PVALEF: variants seen among roughly 807,000 people sequenced by gnomAD.
PVALEF encodes the protein parvalbumin-like EF-hand-containing protein.
PVALEF carries 2 observed loss-of-function variants against 1.2 expected under a neutral mutation model. That is an observed-to-expected ratio of 1.68 (90% CI 0.69 to 5.28). The LOEUF (loss-of-function observed/expected upper bound fraction) is 5.28. Ranked by LOEUF, PVALEF falls within the 30% of genes most tolerant of loss-of-function variation. PVALEF has a pLI of 0.06. For missense variants in PVALEF, 35 were observed against 17.7 expected (o/e 1.97, Z -1.75); for synonymous variants, 16 against 6.5 (o/e 2.47, Z -2.24).
rs1457729398 is a variant in PVALEF at position 81,166,700 on chromosome 17, C to A, written c.-484C>A. 2 of 454,744 alleles carry A rather than the reference C, an allele frequency of 4.4e-6. No homozygotes were observed. Among genetic ancestry groups the A allele is most frequent in the South Asian group, 1.6e-5 (1 of 64,478 alleles). 28.2% of individuals were successfully genotyped at this position (454,744 alleles called of 1,614,324 possible). On this transcript the variant is annotated 5_prime_UTR_variant, in exon 2 of 7. Coordinates refer to ENST00000637878, the MANE Select transcript of PVALEF (RefSeq NM_001354639.2). The stretch of plus-strand genomic sequence containing the variant: ...AGGTTTCGAGGCGGCTGGCAGCCGC[C>A]CCCCCACCCCATGCCCTTTGGGTGG...
At chr17:81,171,890 C>G (rs547120270) in intron 2 of PVALEF, among the ~76,000 whole-genome samples, 42 of 152,306 alleles carry the variant, frequency 2.8e-4, no homozygotes, top group African/African-American at 9.6e-4. Flanking sequence ...ATTGCGCCCC[C>G]ATCTGGGTCC....
At chr17:81,177,380 T>A (rs1351004701) in intron 2 of PVALEF, among the ~76,000 whole-genome samples, 1 of 151,128 alleles carries the variant, frequency 6.6e-6, no homozygotes, top group African/African-American at 2.4e-5. Flanking sequence ...AAACTCAGTC[T>A]CTACTAAAAA....
intron 2 of PVALEF, among the ~76,000 whole-genome samples, chr17:81,173,931 A>T (rs979403448): frequency 6.6e-6 from 1 of 152,210 alleles, no homozygotes; most frequent in Non-Finnish European, 1.5e-5. Flanking sequence ...AGTCAGCAGC[A>T]TATGGAAAGG....
rs11869901 is a variant in PVALEF, at chr17:81,182,003, A to G, written c.280A>G (p.Thr94Ala). ...CATCATCCCCAGCAGCGGGCCCACC[A>G]CCCCGCTGACAGACGAGGAGGCCGA... ...LSIIPSSGPTTPLTDEEAEAM... is the reference protein window; with the variant it reads ...LSIIPSSGPTAPLTDEEAEAM... The change falls in exon 6 of 7, where the codon ACC becomes GCC. Residue 94 changes from threonine to alanine, a missense_variant. Thr to Ala is a moderately conservative substitution (Grantham distance 58). Transcript: ENST00000637878. The G allele has an allele frequency of 0.31, 123,503 of 398,350 alleles. 22,078 individuals are homozygous for G. Among genetic ancestry groups the G allele is most frequent in the African/African-American group, 0.58 (28,218 of 48,642 alleles). The allele number at this position is 398,350 out of a possible 1,614,324, so 24.7% of individuals were successfully genotyped here. A position where few individuals can be genotyped will look rare whatever the true frequency, so the allele number is the denominator to read the frequency against.
intron 2 of PVALEF, among the ~76,000 whole-genome samples, chr17:81,172,226 C>A (rs1364493942): frequency 6.6e-6 from 1 of 152,176 alleles, no homozygotes. Flanking sequence ...AGACAGACTG[C>A]AATGTTATTA....
intron 2 of PVALEF, among the ~76,000 whole-genome samples, chr17:81,176,157 T>C (rs2061535115): frequency 6.6e-6 from 1 of 152,156 alleles, no homozygotes; most frequent in Non-Finnish European, 1.5e-5. Flanking sequence ...CCAAAGAAGA[T>C]ATCAAATGCC....
chr17:81,169,175 G>A (rs991318094), intron 2 of PVALEF, among the ~76,000 whole-genome samples: 1 of 152,246 alleles, frequency 6.6e-6, no homozygotes, highest in African/African-American at 2.4e-5. Flanking sequence ...GTCTTCCTGG[G>A]GGGAGGAAAC....
intron 2 of PVALEF, among the ~76,000 whole-genome samples, chr17:81,172,528 G>A (rs760818862): frequency 5.7e-4 from 87 of 152,218 alleles, no homozygotes; most frequent in East Asian, 9.7e-4. Flanking sequence ...CTGTAATCCC[G>A]GCACTTTGGG....
At chr17:81,170,931 T>C in intron 2 of PVALEF, among the ~76,000 whole-genome samples, 1 of 152,006 alleles carries the variant, frequency 6.6e-6, no homozygotes, top group South Asian at 2.1e-4. Flanking sequence ...TGGGTGCTCT[T>C]CCAGGCTGAG....
At chr17:81,169,368 G>A (rs1035815715) in intron 2 of PVALEF, among the ~76,000 whole-genome samples, 1 of 62,758 alleles carries the variant, frequency 1.6e-5, no homozygotes, top group Non-Finnish European at 4.5e-5. Flanking sequence ...GGGAGGCCAA[G>A]GGGGGCGGAC....
chr17:81,181,699 T>C lies in PVALEF; in HGVS notation c.242+5T>C, dbSNP rs2061554782. On this transcript the variant is annotated splice_donor_5th_base_variant and intron_variant, in intron 5 of 6. Coordinates refer to ENST00000637878, the MANE Select transcript of PVALEF (RefSeq NM_001354639.2). ...CATTGAGTGGAACGAGATCAAGTAA[T>C]GGCTGGCGGCCACGGAGGGGTGGGG... is the stretch of plus-strand genomic sequence containing the variant. 1.2e-5 allele frequency: 5 copies of C among 400,042 alleles called. No homozygotes were observed. The highest frequency in any genetic ancestry group is 1.2e-4 in the South Asian group (1 of 8,102). The allele number at this position is 400,042 out of a possible 1,614,324, so 24.8% of individuals were successfully genotyped here.
rs898167631 is a variant in PVALEF, at chr17:81,166,110, C to T, written c.-508+363C>T. 389 of 464,072 alleles carry T rather than the reference C, an allele frequency of 8.4e-4. 5 individuals are homozygous for T. In the South Asian group the frequency reaches 0.028, roughly 33 times the overall value. The allele number at this position is 464,072 out of a possible 1,614,324, so 28.7% of individuals were successfully genotyped here. On this transcript the variant is annotated intron_variant, in intron 1 of 6. Transcript: ENST00000637878. ...CCGCAGGTGCGGAGCGCGCCGGCCCCCGCGCCCCGCGCCCCCCGCCGCAGC... is the reference window on the plus strand; with the variant it reads ...CCGCAGGTGCGGAGCGCGCCGGCCCTCGCGCCCCGCGCCCCCCGCCGCAGC...
Position 81,165,644 on chromosome 17 carries a change from C to T in PVALEF, c.-611C>T. 1 of 1,480,126 alleles carries T rather than the reference C, an allele frequency of 6.8e-7. No individual in the cohort carries two copies. Among genetic ancestry groups the T allele is most frequent in the South Asian group, 1.2e-5 (1 of 82,676 alleles). 91.7% of individuals were successfully genotyped at this position (1,480,126 alleles called of 1,614,324 possible). ...TTAGTCTGAGACCAACTCTCCTGGA[C>T]ACCAGGGGCCCACGCAGGCCCTCCG... is the stretch of plus-strand genomic sequence containing the variant. On this transcript the variant is annotated 5_prime_UTR_variant, in exon 1 of 7. Coordinates refer to ENST00000637878, the MANE Select transcript of PVALEF (RefSeq NM_001354639.2).
chr17:81,169,746 GTGTC>G lies in PVALEF; in HGVS notation c.-340+2904_-340+2907del, dbSNP rs1234269516. Among the ~76,000 whole-genome samples, 641 of 90,458 alleles carry G rather than the reference GTGTC, an allele frequency of 7.1e-3. 8 individuals carry two copies. Among genetic ancestry groups the G allele is most frequent in the South Asian group, 0.035 (140 of 3,966 alleles). The allele number at this position is 90,458 out of a possible 152,430, so 59.3% of individuals were successfully genotyped here. A position where few individuals can be genotyped will look rare whatever the true frequency, so the allele number is the denominator to read the frequency against. ...CATAGTCGTGTGCGTGTGTGTGTACGTGTCTATGTGTGTGTATGCATGTGTGTCT... is the reference window on the plus strand; with the variant it reads ...CATAGTCGTGTGCGTGTGTGTGTACGTATGTGTGTGTATGCATGTGTGTCT... On this transcript the variant is annotated intron_variant, in intron 2 of 6. Coordinates refer to ENST00000637878, the MANE Select transcript of PVALEF (RefSeq NM_001354639.2).
chr17:81,178,261 G>A (rs751132000), intron 2 of PVALEF, among the ~76,000 whole-genome samples: 1 of 152,146 alleles, frequency 6.6e-6, no homozygotes, highest in Non-Finnish European at 1.5e-5. Context: ...TAAGAGGCCC[G>A]GGCAGTCCTG....
intron 1 of PVALEF, 190 bp downstream of exon 1, chr17:81,165,937 C>A: frequency 6.3e-7 from 1 of 1,580,212 alleles, no homozygotes; most frequent in Non-Finnish European, 8.6e-7. Context: ...CAGGGACTCA[C>A]CGGGGTCGAA....
At chr17:81,181,390 G>A (rs2061553564) in intron 4 of PVALEF, 58 bp downstream of exon 4, 3 of 596,934 alleles carry the variant, frequency 5.0e-6, no homozygotes, top group South Asian at 2.1e-5. Context: ...CTGTGGTCAG[G>A]AGACCTCATC....
intron 6 of PVALEF, among the ~76,000 whole-genome samples, chr17:81,182,546 G>C (rs879735364): frequency 4.6e-5 from 7 of 152,176 alleles, no homozygotes; most frequent in Non-Finnish European, 8.8e-5. Context: ...GCTTGTGGCG[G>C]GGGGGTCACA....
chr17:81,176,271 C>A (rs933835447), intron 2 of PVALEF, among the ~76,000 whole-genome samples: 1 of 152,190 alleles, frequency 6.6e-6, no homozygotes, highest in Non-Finnish European at 1.5e-5. Context: ...GTAATCCCAG[C>A]GCTTTGGGAG....
Sources: gnomAD v4.1 joint callset for allele counts (sites outside exome capture counted in the v4.1 genomes callset) on GRCh38, gnomAD v4.1.1 for gene constraint, MANE v1.5 for transcripts, NCBI Gene and HGNC (gene_info 2026-07-23, HGNC 2026-07-21) for gene names.